The following PBRM1 variants were observed in gnomAD, a reference collection of about 807,000 sequenced individuals.
PBRM1 encodes protein polybromo-1.
In PBRM1, 27 loss-of-function variants were observed where a neutral mutation model predicts 194.5. That is an observed-to-expected ratio of 0.14 (90% CI 0.10 to 0.19). The LOEUF (loss-of-function observed/expected upper bound fraction) is 0.19. Ranked by LOEUF, PBRM1 falls within the 10% of genes least tolerant of loss-of-function variation. The pLI, the probability that PBRM1 is intolerant of heterozygous loss-of-function variation, is 1.00. For missense variants in PBRM1, 1,466 were observed against 2,077.2 expected, an observed-to-expected ratio of 0.71 and a Z score of 5.72; for synonymous variants, 655 against 693.2, an observed-to-expected ratio of 0.94 and a Z score of 0.87.
At chr3:52,569,272 G>A (rs577296468) in intron 22 of PBRM1, among the ~76,000 whole-genome samples, 4 of 150,466 alleles carry the variant, frequency 2.7e-5, no homozygotes, top group South Asian at 2.1e-4. Flanking sequence ...GTGCAGTGGC[G>A]CGATCTCGGT....
At chr3:52,655,281 C>T (rs1005527886) in intron 5 of PBRM1, among the ~76,000 whole-genome samples, 1 of 152,100 alleles carries the variant, frequency 6.6e-6, no homozygotes, top group Non-Finnish European at 1.5e-5. Context: ...CTTTATGTCT[C>T]TAAGATTTTG....
At chr3:52,573,196 G>C (rs1465580518) in intron 22 of PBRM1, among the ~76,000 whole-genome samples, 1 of 152,144 alleles carries the variant, frequency 6.6e-6, no homozygotes, top group African/African-American at 2.4e-5. Context: ...GACAATATCA[G>C]CATCTTTCTT....
chr3:52,560,048 T>G (rs936896263), intron 25 of PBRM1, among the ~76,000 whole-genome samples: 1 of 152,156 alleles, frequency 6.6e-6, no homozygotes, highest in Admixed American at 6.5e-5. Context: ...AAGTTCAGAT[T>G]TTATGTCTCA....
At chr3:52,594,233 G>A (rs1006102160) in intron 17 of PBRM1, among the ~76,000 whole-genome samples, 1 of 152,146 alleles carries the variant, frequency 6.6e-6, no homozygotes, top group African/African-American at 2.4e-5. Flanking sequence ...AGGTCTCTAA[G>A]AACTTGCTTT....
rs1020249268 is a variant in PBRM1 at position 52,629,183 on chromosome 3, A to C, written c.1302-148T>G. The stretch of plus-strand genomic sequence containing the variant: ...GGAACTTAAAAATGACTTTTGAGAT[A>C]CAAAGTAAGGAGGCAAAAGCACCAT... On this transcript the variant is annotated intron_variant, in intron 11 of 29. Transcript: ENST00000296302. 2.2e-5 allele frequency: 14 copies of C among 631,028 alleles called. No individual in the cohort carries two copies. In the African/African-American group the frequency reaches 2.4e-4, roughly 11 times the overall value. 39.1% of individuals were successfully genotyped at this position (631,028 alleles called of 1,614,324 possible). A position where few individuals can be genotyped will look rare whatever the true frequency, so the allele number is the denominator to read the frequency against.
At chr3:52,653,035 C>T (rs1188294443) in intron 5 of PBRM1, among the ~76,000 whole-genome samples, 1 of 152,082 alleles carries the variant, frequency 6.6e-6, no homozygotes, top group Non-Finnish European at 1.5e-5. Flanking sequence ...CAGAATTATA[C>T]AATTTTTCAT....
intron 10 of PBRM1, among the ~76,000 whole-genome samples, chr3:52,636,369 A>G (rs2095811341): frequency 6.6e-6 from 1 of 152,160 alleles, no homozygotes; most frequent in South Asian, 2.1e-4. Context: ...CCAAACTCCT[A>G]AACAGTGTGT....
intron 5 of PBRM1, among the ~76,000 whole-genome samples, chr3:52,657,499 T>G (rs1259083669): frequency 6.6e-6 from 1 of 152,194 alleles, no homozygotes; most frequent in Non-Finnish European, 1.5e-5. Context: ...AGATGGACTC[T>G]TGCTCTGTCA....
At chr3:52,626,974 G>C (rs2095467381) in intron 13 of PBRM1, among the ~76,000 whole-genome samples, 1 of 149,312 alleles carries the variant, frequency 6.7e-6, no homozygotes, top group Admixed American at 6.8e-5. Flanking sequence ...TTAGATTTAA[G>C]TGGCATTCTT....
At chr3:52,572,054 A>C (rs931802841) in intron 22 of PBRM1, among the ~76,000 whole-genome samples, 4 of 150,966 alleles carry the variant, frequency 2.6e-5, no homozygotes, top group Non-Finnish European at 1.5e-5. Flanking sequence ...AACAAAAAAA[A>C]CTTCATATTT....
chr3:52,548,852 G>A (rs2080130430), intron 29 of PBRM1, among the ~76,000 whole-genome samples: 1 of 152,164 alleles, frequency 6.6e-6, no homozygotes. Flanking sequence ...AATGAAATGA[G>A]ATGACCAAAG....
intron 21 of PBRM1, among the ~76,000 whole-genome samples, chr3:52,576,924 T>A (rs28627479): frequency 2.1e-4 from 32 of 152,244 alleles, no homozygotes; most frequent in African/African-American, 6.0e-4. Flanking sequence ...GTGAAAAAAA[T>A]TTTTTAACTT....
exon 20 of PBRM1, chr3:52,586,461 C>T (rs761541459): frequency 6.2e-7 from 1 of 1,613,914 alleles, no homozygotes; most frequent in Non-Finnish European, 8.5e-7. Context: ...CTCGACTGTC[C>T]TCTGAGTTGT....
intron 17 of PBRM1, among the ~76,000 whole-genome samples, chr3:52,598,504 C>A (rs1362474418): frequency 1.3e-5 from 2 of 152,192 alleles, no homozygotes; most frequent in Non-Finnish European, 1.5e-5. Flanking sequence ...TGTTCATTTA[C>A]ATAGCATGAA....
chr3:52,641,471 AAAAG>A (rs929168408), intron 10 of PBRM1, among the ~76,000 whole-genome samples: 4 of 151,112 alleles, frequency 2.6e-5, no homozygotes, highest in Non-Finnish European at 5.9e-5. Context: ...AAAGAAAAAA[AAAAG>A]AAAGAAAGAA....
intron 13 of PBRM1, among the ~76,000 whole-genome samples, chr3:52,619,321 C>G (rs572980538): frequency 5.9e-5 from 9 of 152,212 alleles, no homozygotes; most frequent in Non-Finnish European, 1.3e-4. Context: ...GTCCCTGATA[C>G]AAAATGGTGT....
chr3:52,673,543 A>G (rs2097003478), intron 2 of PBRM1, among the ~76,000 whole-genome samples: 1 of 151,150 alleles, frequency 6.6e-6, no homozygotes, highest in Admixed American at 6.6e-5. Context: ...ATAGTGGTGT[A>G]TGCCTGTAAT....
exon 8 of PBRM1, chr3:52,644,772 T>C (rs770437878): frequency 1.4e-6 from 2 of 1,478,744 alleles, no homozygotes. Context: ...AAAATATTTT[T>C]TTAATTGAAT....
At chr3:52,613,766 G>A (rs2094785308) in intron 15 of PBRM1, among the ~76,000 whole-genome samples, 1 of 152,004 alleles carries the variant, frequency 6.6e-6, no homozygotes, top group Non-Finnish European at 1.5e-5. Flanking sequence ...GAGGCAGGAG[G>A]GTCGCTTGAG....
Sources: gnomAD v4.1 joint callset for allele counts (sites outside exome capture counted in the v4.1 genomes callset) on GRCh38, gnomAD v4.1.1 for gene constraint, MANE v1.5 for transcripts, NCBI Gene and HGNC (gene_info 2026-07-23, HGNC 2026-07-21) for gene names.